The following ZNF804A variants were observed in gnomAD, a reference collection of about 807,000 sequenced individuals.
ZNF804A encodes the protein zinc finger protein 804A.
ZNF804A carries 2 observed loss-of-function variants against 16.5 expected under a neutral mutation model. The ratio of observed to expected loss-of-function variants is 0.12; its 90% CI spans 0.05 to 0.38. ZNF804A has a LOEUF of 0.38. ZNF804A is among the 10% of genes least tolerant of loss of function. ZNF804A has a pLI of 0.99. For missense variants in ZNF804A, 1,473 were observed against 1,390.7 expected, an observed-to-expected ratio of 1.06 and a Z score of -0.94; for synonymous variants, 534 against 489.6, an observed-to-expected ratio of 1.09 and a Z score of -1.20.
At chr2:184,658,131 T>C (rs1331610652) in intron 1 of ZNF804A, among the ~76,000 whole-genome samples, 1 of 152,210 alleles carries the variant, frequency 6.6e-6, no homozygotes, top group Non-Finnish European at 1.5e-5. Context: ...TTTAGACAAA[T>C]GGCACACAGA....
At chr2:184,907,053 A>C (rs972800444) in intron 2 of ZNF804A, among the ~76,000 whole-genome samples, 1 of 152,186 alleles carries the variant, frequency 6.6e-6, no homozygotes, top group South Asian at 2.1e-4. Flanking sequence ...CAACATGAGT[A>C]AGCTCAGAAA....
chr2:184,910,544 T>C (rs1300656531), intron 2 of ZNF804A, among the ~76,000 whole-genome samples: 1 of 152,094 alleles, frequency 6.6e-6, no homozygotes, highest in African/African-American at 2.4e-5. Flanking sequence ...ATTTGAGAAA[T>C]TGCCAAACTG....
chr2:184,638,460 T>TA (rs1220046143), intron 1 of ZNF804A, among the ~76,000 whole-genome samples: 1 of 152,190 alleles, frequency 6.6e-6, no homozygotes, highest in East Asian at 1.9e-4. Context: ...ATGTGTGGTA[T>TA]AAAAAATACC....
At chr2:184,833,954 T>C (rs1440780024) in intron 1 of ZNF804A, among the ~76,000 whole-genome samples, 3 of 152,188 alleles carry the variant, frequency 2.0e-5, no homozygotes, top group East Asian at 1.9e-4. Context: ...TTGTAAGTAA[T>C]GAATATTTTT....
At chr2:184,829,046 C>T (rs1166338541) in intron 1 of ZNF804A, among the ~76,000 whole-genome samples, 1 of 151,550 alleles carries the variant, frequency 6.6e-6, no homozygotes, top group Non-Finnish European at 1.5e-5. Context: ...ACAAAACTAA[C>T]AGAATGAAAC....
At chr2:184,930,037 T>A (rs919946477) in intron 2 of ZNF804A, among the ~76,000 whole-genome samples, 1 of 152,104 alleles carries the variant, frequency 6.6e-6, no homozygotes, top group East Asian at 1.9e-4. Context: ...TGCCCACATA[T>A]ACACTCATAG....
chr2:184,743,219 T>G (rs1693735013), intron 1 of ZNF804A, among the ~76,000 whole-genome samples: 1 of 151,972 alleles, frequency 6.6e-6, no homozygotes, highest in African/African-American at 2.4e-5. Context: ...AGCATCATTA[T>G]CCACCCCACT....
intron 1 of ZNF804A, among the ~76,000 whole-genome samples, chr2:184,627,341 A>G (rs1348397725): frequency 6.6e-6 from 1 of 152,160 alleles, no homozygotes; most frequent in Non-Finnish European, 1.5e-5. Context: ...ATTGCTACCT[A>G]GAAAGATGAA....
chr2:184,679,314 G>A (rs759032977), intron 1 of ZNF804A, among the ~76,000 whole-genome samples: 25 of 152,200 alleles, frequency 1.6e-4, no homozygotes, highest in Non-Finnish European at 2.2e-4. Flanking sequence ...GGGTCATTGC[G>A]ATGGCAGCGG....
intron 1 of ZNF804A, among the ~76,000 whole-genome samples, chr2:184,788,881 G>T (rs2105777625): frequency 6.6e-6 from 1 of 152,134 alleles, no homozygotes; most frequent in Admixed American, 6.5e-5. Flanking sequence ...AGTAGGAGTG[G>T]TGAGAGCAGA....
chr2:184,608,815 T>A (rs1691192426), intron 1 of ZNF804A, among the ~76,000 whole-genome samples: 1 of 152,058 alleles, frequency 6.6e-6, no homozygotes, highest in Non-Finnish European at 1.5e-5. Flanking sequence ...AGGAATGAGG[T>A]GTCAAGATGG....
intron 1 of ZNF804A, among the ~76,000 whole-genome samples, chr2:184,770,850 T>C (rs1558956767): frequency 6.6e-6 from 1 of 152,036 alleles, no homozygotes. Context: ...TGTCAATAAT[T>C]CTGAATATAT....
At chr2:184,928,128 C>T (rs1420474334) in intron 2 of ZNF804A, among the ~76,000 whole-genome samples, 1 of 152,054 alleles carries the variant, frequency 6.6e-6, no homozygotes, top group Non-Finnish European at 1.5e-5. Context: ...CACACGAGGC[C>T]CACGAAGTAC....
intron 1 of ZNF804A, among the ~76,000 whole-genome samples, chr2:184,856,864 C>G (rs1197540290): frequency 6.6e-6 from 1 of 152,008 alleles, no homozygotes; most frequent in African/African-American, 2.4e-5. Flanking sequence ...AATTTTAAGT[C>G]CAAAACACTC....
chr2:184,816,746 G>C (rs1174674766), intron 1 of ZNF804A, among the ~76,000 whole-genome samples: 5 of 151,846 alleles, frequency 3.3e-5, no homozygotes, highest in Non-Finnish European at 5.9e-5. Context: ...TCTTGTTTGG[G>C]AGTATTTTTT....
At chr2:184,683,717 G>A (rs2105720715) in intron 1 of ZNF804A, among the ~76,000 whole-genome samples, 1 of 152,184 alleles carries the variant, frequency 6.6e-6, no homozygotes, top group East Asian at 1.9e-4. Flanking sequence ...AGTGCCATAA[G>A]GAGGTCTATC....
At chr2:184,871,426 A>C (rs1574250179) in intron 2 of ZNF804A, among the ~76,000 whole-genome samples, 2 of 151,234 alleles carry the variant, frequency 1.3e-5, no homozygotes, top group Non-Finnish European at 3.0e-5. Context: ...AAAAAAAAAA[A>C]AAACAAAAAA....
intron 1 of ZNF804A, among the ~76,000 whole-genome samples, chr2:184,612,858 T>A (rs1349772086): frequency 6.6e-6 from 1 of 152,186 alleles, no homozygotes; most frequent in African/African-American, 2.4e-5. Flanking sequence ...TTGAAGACAA[T>A]CTATTTCCAT....
chr2:184,704,796 C>T (rs1692995950), intron 1 of ZNF804A, among the ~76,000 whole-genome samples: 2 of 152,132 alleles, frequency 1.3e-5, no homozygotes, highest in Admixed American at 1.3e-4. Context: ...AATGCATTGA[C>T]ACTGGGAAGG....
Sources: allele counts gnomAD v4.1 joint callset (sites outside exome capture counted in the v4.1 genomes callset), GRCh38; gene constraint gnomAD v4.1.1; transcripts MANE v1.5; gene names NCBI Gene and HGNC (gene_info 2026-07-23, HGNC 2026-07-21).